The following SLC24A3 variants were observed in gnomAD, a reference collection of about 807,000 sequenced individuals.
SLC24A3 encodes the protein solute carrier family 24 member 3, also known as sodium/potassium/calcium exchanger 3.
In SLC24A3, 28 loss-of-function variants were observed where a neutral mutation model predicts 75.8. That is an observed-to-expected ratio of 0.37 (90% CI 0.27 to 0.51). The LOEUF (loss-of-function observed/expected upper bound fraction) is 0.51, where lower values mean the gene tolerates loss of function less well. Among genes scored for constraint, SLC24A3 ranks in the 20% least tolerant of loss-of-function variants. SLC24A3 has a pLI of 0.94. For missense variants in SLC24A3, 663 were observed against 847.8 expected, an observed-to-expected ratio of 0.78 and a Z score of 2.71; for synonymous variants, 372 against 334.1, an observed-to-expected ratio of 1.11 and a Z score of -1.24.
At chr20:19,249,976 T>C (rs1982601981) in intron 1 of SLC24A3, among the ~76,000 whole-genome samples, 1 of 152,178 alleles carries the variant, frequency 6.6e-6, no homozygotes, top group African/African-American at 2.4e-5. Context: ...TTGTCTCTTG[T>C]CTTTTGACTG....
chr20:19,267,005 G>C (rs1380781975), intron 1 of SLC24A3, among the ~76,000 whole-genome samples: 1 of 152,022 alleles, frequency 6.6e-6, no homozygotes, highest in Non-Finnish European at 1.5e-5. Context: ...ATCTGCCCCA[G>C]ATTTTTATAT....
chr20:19,413,610 T>C (rs1477557256), intron 2 of SLC24A3, among the ~76,000 whole-genome samples: 1 of 152,136 alleles, frequency 6.6e-6, no homozygotes, highest in Non-Finnish European at 1.5e-5. Context: ...CACCTTTCAC[T>C]TTCCCCCCAA....
intron 2 of SLC24A3, among the ~76,000 whole-genome samples, chr20:19,510,203 A>G (rs1391992125): frequency 6.6e-6 from 1 of 152,224 alleles, no homozygotes; most frequent in Non-Finnish European, 1.5e-5. Flanking sequence ...CCCTTTGCAA[A>G]TGAATCAAAG....
chr20:19,299,067 C>A (rs6045978), intron 2 of SLC24A3, among the ~76,000 whole-genome samples: 3,161 of 152,258 alleles, frequency 0.021, 46 homozygotes, highest in African/African-American at 0.033. Context: ...GCCGGCACTG[C>A]CAGTCATTGC....
At chr20:19,421,449 C>T (rs1986916590) in intron 2 of SLC24A3, among the ~76,000 whole-genome samples, 1 of 152,068 alleles carries the variant, frequency 6.6e-6, no homozygotes, top group South Asian at 2.1e-4. Context: ...AAGAAATGCT[C>T]ATCATCACTG....
chr20:19,444,870 TTTG>T (rs143149995), intron 2 of SLC24A3, among the ~76,000 whole-genome samples: 12,498 of 151,480 alleles, frequency 0.083, 1,631 homozygotes, highest in African/African-American at 0.28. Flanking sequence ...TAATCGGCTT[TTTG>T]TTGTTGTTGT....
chr20:19,215,902 G>C (rs572031670), intron 1 of SLC24A3, among the ~76,000 whole-genome samples: 2 of 152,306 alleles, frequency 1.3e-5, no homozygotes, highest in African/African-American at 4.8e-5. Context: ...GGTGTAACAT[G>C]AGGTCTGCTT....
chr20:19,526,730 T>C (rs1044348598), intron 3 of SLC24A3, among the ~76,000 whole-genome samples: 2 of 152,320 alleles, frequency 1.3e-5, no homozygotes, highest in African/African-American at 4.8e-5. Context: ...AACCCCAGCC[T>C]TGCTGTTTTT....
intron 6 of SLC24A3, among the ~76,000 whole-genome samples, chr20:19,617,183 C>A (rs1018887019): frequency 6.6e-6 from 1 of 152,194 alleles, no homozygotes; most frequent in Non-Finnish European, 1.5e-5. Flanking sequence ...CGAGCAGATC[C>A]TTTCAATTCA....
chr20:19,241,144 C>T (rs1378088555), intron 1 of SLC24A3, among the ~76,000 whole-genome samples: 4 of 152,200 alleles, frequency 2.6e-5, no homozygotes, highest in Admixed American at 2.6e-4. Flanking sequence ...CAACCATGTC[C>T]AAAAAGACCA....
intron 2 of SLC24A3, among the ~76,000 whole-genome samples, chr20:19,494,454 A>G (rs1033665142): frequency 1.9e-4 from 29 of 152,328 alleles, no homozygotes; most frequent in African/African-American, 7.0e-4. Context: ...AAGTAATGAA[A>G]TCATCTGGGA....
intron 2 of SLC24A3, among the ~76,000 whole-genome samples, chr20:19,399,554 A>G (rs58159979): frequency 2.6e-5 from 4 of 152,196 alleles, no homozygotes; most frequent in African/African-American, 4.8e-5. Flanking sequence ...AGATTTTTCA[A>G]TTATCCCTTT....
At chr20:19,677,696 T>C (rs549095671) in intron 9 of SLC24A3, among the ~76,000 whole-genome samples, 19,201 of 148,796 alleles carry the variant, frequency 0.13, 1,466 homozygotes, top group Non-Finnish European at 0.17. Flanking sequence ...CTTTTTTTTT[T>C]TTTTTTTTTT....
At chr20:19,218,705 T>C (rs1981629388) in intron 1 of SLC24A3, among the ~76,000 whole-genome samples, 1 of 152,232 alleles carries the variant, frequency 6.6e-6, no homozygotes, top group African/African-American at 2.4e-5. Flanking sequence ...TTTTTTTTTT[T>C]TTCTTCACCC....
chr20:19,566,418 A>C (rs1332548118), intron 3 of SLC24A3, among the ~76,000 whole-genome samples: 1 of 152,188 alleles, frequency 6.6e-6, no homozygotes. Flanking sequence ...TCCTGTGGGC[A>C]GTTGAGGTCA....
chr20:19,522,717 C>T (rs542915172), intron 3 of SLC24A3, among the ~76,000 whole-genome samples: 369 of 152,046 alleles, frequency 2.4e-3, no homozygotes, highest in Non-Finnish European at 3.5e-3. Context: ...AACGGGGTGG[C>T]GCAGGAGGCC....
intron 7 of SLC24A3, among the ~76,000 whole-genome samples, chr20:19,663,342 C>G (rs930784633): frequency 6.5e-5 from 9 of 138,996 alleles, no homozygotes; most frequent in Non-Finnish European, 1.4e-4. Flanking sequence ...GAAGGATAAA[C>G]CCGAATGATA....
chr20:19,227,005 TC>T (rs1417012910), intron 1 of SLC24A3, among the ~76,000 whole-genome samples: 33 of 152,340 alleles, frequency 2.2e-4, no homozygotes, highest in African/African-American at 7.9e-4. Context: ...AGGTGGTATT[TC>T]AGCATCAAAA....
At chr20:19,481,494 G>A (rs907045957) in intron 2 of SLC24A3, among the ~76,000 whole-genome samples, 3 of 152,302 alleles carry the variant, frequency 2.0e-5, no homozygotes, top group African/African-American at 7.2e-5. Flanking sequence ...TCCATCCCAT[G>A]AATAGGAGAA....
Sources: gnomAD v4.1 joint callset for allele counts (sites outside exome capture counted in the v4.1 genomes callset) on GRCh38, gnomAD v4.1.1 for gene constraint, MANE v1.5 for transcripts, NCBI Gene and HGNC (gene_info 2026-07-23, HGNC 2026-07-21) for gene names.